The following CHSY3 variants were observed in gnomAD, a reference collection of about 807,000 sequenced individuals.
CHSY3 encodes the protein N-acetylgalactosaminyl-proteoglycan 3-beta-glucuronosyltransferase 3.
Under a neutral mutation model 67.2 loss-of-function variants are expected in CHSY3, and 35 were observed. That is an observed-to-expected ratio of 0.52 (90% CI 0.40 to 0.69). The LOEUF is 0.69. Among genes scored for constraint, CHSY3 ranks in the 30% least tolerant of loss-of-function variants. The pLI, the probability that CHSY3 is intolerant of heterozygous loss-of-function variation, is 0.00. For synonymous variants in CHSY3, 474 were observed against 434.7 expected (o/e 1.09, Z -1.12); for missense variants, 1,069 against 1,138.5 (o/e 0.94, Z 0.88).
At chr5:130,001,555 C>T (rs2149639158) in intron 2 of CHSY3, 1 of 888,472 alleles carries the variant, frequency 1.1e-6, no homozygotes, top group Non-Finnish European at 1.3e-6. Context: ...TGGAGAGTCC[C>T]TCCTGTCCTT....
At chr5:130,010,848 T>C (rs1464583735) in intron 2 of CHSY3, among the ~76,000 whole-genome samples, 1 of 151,910 alleles carries the variant, frequency 6.6e-6, no homozygotes, top group Non-Finnish European at 1.5e-5. Flanking sequence ...TATGAACAAC[T>C]CTAAGCACAC....
At chr5:130,097,591 T>C (rs2149696534) in intron 2 of CHSY3, among the ~76,000 whole-genome samples, 1 of 152,362 alleles carries the variant, frequency 6.6e-6, no homozygotes, top group East Asian at 1.9e-4. Context: ...TCTGACTTTT[T>C]AGTTCTTTGG....
intron 2 of CHSY3, among the ~76,000 whole-genome samples, chr5:130,064,054 G>T (rs1054377401): frequency 6.6e-6 from 1 of 152,044 alleles, no homozygotes; most frequent in East Asian, 1.9e-4. Flanking sequence ...GACTAAGTTT[G>T]CCTTCCTATT....
Position 130,152,156 on chromosome 5 carries a change from G to C in CHSY3, c.1087-32073G>C, listed in dbSNP as rs533707894. 1.4e-4 allele frequency among the ~76,000 whole-genome samples: 21 copies of C among 152,286 alleles called. 1 individual carries two copies. Among genetic ancestry groups the C allele is most frequent in the Admixed American group, 5.2e-4 (8 of 15,296 alleles). On this transcript the variant is annotated intron_variant, in intron 2 of 2. Coordinates refer to ENST00000305031, the MANE Select transcript of CHSY3 (RefSeq NM_175856.5). ...TGCATTTTTGACAAGCACCCCAGCT[G>C]CATCTTCACATGAAAGTTTAAAAGC...
intron 2 of CHSY3, among the ~76,000 whole-genome samples, chr5:130,082,711 T>G (rs1435050515): frequency 6.6e-6 from 1 of 151,968 alleles, no homozygotes; most frequent in East Asian, 1.9e-4. Context: ...GGAAGGCATG[T>G]TGGCATGTGT....
intron 2 of CHSY3, among the ~76,000 whole-genome samples, chr5:129,988,260 C>A (rs1763261366): frequency 1.3e-5 from 2 of 152,186 alleles, no homozygotes. Context: ...TCTTTTAATC[C>A]TGTTTAATCA....
intron 2 of CHSY3, among the ~76,000 whole-genome samples, chr5:129,985,853 G>A (rs935121858): frequency 6.6e-6 from 1 of 152,056 alleles, no homozygotes; most frequent in African/African-American, 2.4e-5. Context: ...AAATGATACT[G>A]ATTTTTGTAC....
intron 2 of CHSY3, among the ~76,000 whole-genome samples, chr5:130,156,420 A>G (rs979204336): frequency 7.2e-5 from 11 of 152,204 alleles, no homozygotes; most frequent in African/African-American, 2.7e-4. Context: ...TTGCATTTTC[A>G]AAGTGTTTTG....
chr5:130,104,794 C>A (rs556156790), intron 2 of CHSY3, among the ~76,000 whole-genome samples: 11 of 151,902 alleles, frequency 7.2e-5, no homozygotes, highest in African/African-American at 2.7e-4. Context: ...CACTACAGAG[C>A]TAAGCATTGT....
Position 130,184,829 on chromosome 5 carries a change from C to G in CHSY3, c.1687C>G (p.Leu563Val), listed in dbSNP as rs1424894796. The G allele has an allele frequency of 6.2e-7, 1 of 1,610,958 alleles. No homozygotes were observed. Among genetic ancestry groups the G allele is most frequent in the Admixed American group, 1.7e-5 (1 of 59,998 alleles). ...LTVPVRRHAYLQQLFSKPFFR... is the reference protein window; with the variant it reads ...LTVPVRRHAYVQQLFSKPFFR... ...TGTGCCAGTGAGACGTCATGCCTATCTTCAGCAGTTGTTCAGCAAGCCTTT... is the reference window on the plus strand; with the variant it reads ...TGTGCCAGTGAGACGTCATGCCTATGTTCAGCAGTTGTTCAGCAAGCCTTT... The change falls in exon 3 of 3, where the codon CTT (leucine) becomes GTT (valine). Residue 563 changes from leucine to valine, a missense_variant. This residue lies in a region of CHSY3 where 401 missense variants were observed against 395.2 expected (regional missense o/e 1.01). Transcript: ENST00000305031.
At chr5:129,921,300 A>T (rs1375384537) in intron 2 of CHSY3, among the ~76,000 whole-genome samples, 1 of 152,160 alleles carries the variant, frequency 6.6e-6, no homozygotes, top group Non-Finnish European at 1.5e-5. Flanking sequence ...TGATACCTTG[A>T]GCACAAGCAC....
intron 2 of CHSY3, among the ~76,000 whole-genome samples, chr5:129,979,221 A>G (rs1426481639): frequency 3.3e-5 from 5 of 150,372 alleles, no homozygotes; most frequent in Non-Finnish European, 5.9e-5. Context: ...AAAAAAAAAA[A>G]AAAAGAAAGA....
rs777844361 is a variant in CHSY3 at position 129,905,352 on chromosome 5, G to A, written c.523G>A (p.Val175Met). ...CGCCCGACCCCGGGACTTCCTGTAC[G>A]TGGGGGTGATGACCGCGCAGAAGTA... Reference protein sequence around the residue: ...PSARPRDFLYVGVMTAQKYLG... With the variant: ...PSARPRDFLYMGVMTAQKYLG... Residue 175 changes from valine to methionine, a missense_variant, in exon 1 of 3, where the codon GTG becomes ATG. Val to Met is a conservative substitution (Grantham distance 21, BLOSUM62 1). This residue lies in a region of CHSY3 where 309 missense variants were observed against 262.5 expected (regional missense o/e 1.18). Coordinates refer to ENST00000305031, the MANE Select transcript of CHSY3 (RefSeq NM_175856.5). 3 of 1,568,374 alleles carry A rather than the reference G, an allele frequency of 1.9e-6. No individual in the cohort carries two copies. The highest frequency in any genetic ancestry group is 1.3e-5 in the African/African-American group (1 of 74,348).
intron 1 of CHSY3, among the ~76,000 whole-genome samples, chr5:129,906,154 G>A (rs1254722110): frequency 6.6e-6 from 1 of 152,124 alleles, no homozygotes; most frequent in East Asian, 1.9e-4. Context: ...TCAGATTGAG[G>A]AATCGTCTTC....
chr5:129,932,878 C>T (rs1011943769), intron 2 of CHSY3, among the ~76,000 whole-genome samples: 8 of 151,786 alleles, frequency 5.3e-5, no homozygotes, highest in East Asian at 1.9e-4. Flanking sequence ...GCCTGGAGAA[C>T]GTTAGAAGAA....
At chr5:129,955,383 A>G (rs892419995) in intron 2 of CHSY3, among the ~76,000 whole-genome samples, 1 of 151,832 alleles carries the variant, frequency 6.6e-6, no homozygotes, top group African/African-American at 2.4e-5. Context: ...TTTCCTGGTT[A>G]TCATTGATTT....
chr5:130,147,314 G>A (rs763779246), intron 2 of CHSY3, among the ~76,000 whole-genome samples: 7 of 152,180 alleles, frequency 4.6e-5, no homozygotes, highest in Non-Finnish European at 8.8e-5. Context: ...TACGTGAGTT[G>A]TGATTGTATC....
intron 2 of CHSY3, among the ~76,000 whole-genome samples, chr5:129,925,750 C>G (rs1037937250): frequency 1.6e-4 from 25 of 152,034 alleles, no homozygotes; most frequent in African/African-American, 6.0e-4. Context: ...TGGTAAACAC[C>G]ATTCTACTCT....
At chr5:129,977,742 T>C (rs1001198695) in intron 2 of CHSY3, among the ~76,000 whole-genome samples, 5 of 152,020 alleles carry the variant, frequency 3.3e-5, no homozygotes, top group Non-Finnish European at 5.9e-5. Flanking sequence ...GTCAAAATAG[T>C]AGTGGTGAGA....
Sources: allele counts gnomAD v4.1 joint callset (sites outside exome capture counted in the v4.1 genomes callset), GRCh38; gene constraint gnomAD v4.1.1; regional missense constraint gnomAD v4.1.1; transcripts MANE v1.5; gene names NCBI Gene and HGNC (gene_info 2026-07-23, HGNC 2026-07-21).